FAM110B: variants seen among roughly 807,000 people sequenced by gnomAD.
FAM110B encodes family with sequence similarity 110 member B, also known as protein FAM110B.
A neutral mutation model predicts 20.4 loss-of-function variants in FAM110B; 6 were observed. That is an observed-to-expected ratio of 0.29 (90% confidence interval 0.16 to 0.58). The LOEUF is 0.58. FAM110B is among the 20% of genes least tolerant of loss of function. The probability of loss-of-function intolerance (pLI) is 0.90; values close to 1 mark genes in which losing one functional copy is unlikely to be tolerated. For synonymous variants in FAM110B, 226 were observed against 214.1 expected (o/e 1.06, Z -0.49); for missense variants, 434 against 498.2 (o/e 0.87, Z 1.23).
At chr8:58,013,855 C>G (rs923111111) in intron 1 of FAM110B, among the ~76,000 whole-genome samples, 2 of 152,196 alleles carry the variant, frequency 1.3e-5, no homozygotes, top group Non-Finnish European at 1.5e-5. Flanking sequence ...AAGGTCACTT[C>G]TCTCTTTAAC....
At chr8:57,999,798 G>A (rs1804256494) in intron 1 of FAM110B, among the ~76,000 whole-genome samples, 2 of 152,074 alleles carry the variant, frequency 1.3e-5, no homozygotes, top group East Asian at 1.9e-4. Flanking sequence ...TCGAGAATGG[G>A]GGCCACTTTT....
chr8:58,082,287 T>C (rs1205075899), intron 3 of FAM110B, among the ~76,000 whole-genome samples: 1 of 152,222 alleles, frequency 6.6e-6, no homozygotes, highest in Non-Finnish European at 1.5e-5. Context: ...GACGTCTTAA[T>C]GGGCATGTAG....
chr8:58,102,101 A>G (rs889396002), intron 3 of FAM110B, among the ~76,000 whole-genome samples: 19 of 152,214 alleles, frequency 1.2e-4, no homozygotes, highest in African/African-American at 4.1e-4. Flanking sequence ...ATGATAACTT[A>G]TTCGCCAACA....
intron 3 of FAM110B, among the ~76,000 whole-genome samples, chr8:58,079,497 A>G (rs752460289): frequency 2.0e-5 from 3 of 152,182 alleles, no homozygotes; most frequent in Non-Finnish European, 4.4e-5. Flanking sequence ...AATTGGCAGT[A>G]GGGTGTTGGT....
At chr8:58,042,830 T>G (rs1805247329) in intron 2 of FAM110B, among the ~76,000 whole-genome samples, 1 of 152,238 alleles carries the variant, frequency 6.6e-6, no homozygotes, top group Non-Finnish European at 1.5e-5. Flanking sequence ...AAAAAGCATC[T>G]GCAAATTAAC....
intron 1 of FAM110B, among the ~76,000 whole-genome samples, chr8:58,011,034 G>A (rs965294028): frequency 7.2e-5 from 11 of 152,084 alleles, no homozygotes; most frequent in African/African-American, 1.9e-4. Flanking sequence ...TCTGTTTGGC[G>A]GCATCCTTAC....
chr8:58,085,902 G>T (rs780983566), intron 3 of FAM110B, among the ~76,000 whole-genome samples: 2 of 152,172 alleles, frequency 1.3e-5, no homozygotes, highest in Non-Finnish European at 2.9e-5. Context: ...ATAAACCTGA[G>T]TAAATTATCA....
intron 3 of FAM110B, among the ~76,000 whole-genome samples, chr8:58,142,899 G>A (rs546995480): frequency 6.6e-6 from 1 of 152,322 alleles, no homozygotes; most frequent in South Asian, 2.1e-4. Flanking sequence ...CAGCCTGGCG[G>A]TTGGCCTATC....
chr8:58,031,433 G>C (rs1563502556), intron 1 of FAM110B, 173 bp from the exon 2 acceptor site: 1 of 152,144 alleles, frequency 6.6e-6, no homozygotes, highest in African/African-American at 2.4e-5. Context: ...TTTCCTTTTG[G>C]AATCAGTTTT....
chr8:58,004,261 G>T (rs533751354), intron 1 of FAM110B, among the ~76,000 whole-genome samples: 12 of 152,272 alleles, frequency 7.9e-5, no homozygotes, highest in African/African-American at 2.6e-4. Context: ...AGGGATTGGG[G>T]TCCCCTGTCC....
At chr8:58,138,658 C>T (rs1236755428) in intron 3 of FAM110B, among the ~76,000 whole-genome samples, 3 of 152,180 alleles carry the variant, frequency 2.0e-5, no homozygotes, top group Admixed American at 6.5e-5. Context: ...TAGCTTGCTT[C>T]GCCCACCTGA....
At chr8:58,111,609 T>C (rs145085015) in intron 3 of FAM110B, among the ~76,000 whole-genome samples, 1 of 152,148 alleles carries the variant, frequency 6.6e-6, no homozygotes, top group East Asian at 1.9e-4. Flanking sequence ...GACATGTAAA[T>C]ATATAAACTA....
intron 1 of FAM110B, among the ~76,000 whole-genome samples, chr8:57,996,858 A>G (rs532762734): frequency 8.5e-5 from 13 of 152,328 alleles, no homozygotes; most frequent in Admixed American, 1.3e-4. Context: ...ATTCTTTTTC[A>G]TGCTTTAAAA....
rs999944364 is a variant in FAM110B, at chr8:57,995,937, A to G, written c.-512+1131A>G. Among the ~76,000 whole-genome samples the G allele has an allele frequency of 4.6e-5, 7 of 152,260 alleles. No individual in the cohort carries two copies. The East Asian group carries it at 7.7e-4, about 17-fold the overall frequency. ...ATGATAGTAGAATAAGCATTTTTGC[A>G]GTATGGATAGTAGGACTTCCATTTT... On this transcript the variant is annotated intron_variant, in intron 1 of 3. Transcript: ENST00000519262.
At chr8:58,046,537 A>G (rs1241187244) in intron 2 of FAM110B, among the ~76,000 whole-genome samples, 1 of 152,200 alleles carries the variant, frequency 6.6e-6, no homozygotes, top group African/African-American at 2.4e-5. Context: ...CATTAACTAC[A>G]ACATAGTCAT....
At chr8:58,000,810 CTG>C (rs1804278826) in intron 1 of FAM110B, among the ~76,000 whole-genome samples, 1 of 152,186 alleles carries the variant, frequency 6.6e-6, no homozygotes, top group African/African-American at 2.4e-5. Context: ...GTACAGTTGA[CTG>C]TGAGTTGGGG....
At chr8:58,069,816 TTC>T (rs1805848972) in intron 2 of FAM110B, among the ~76,000 whole-genome samples, 6 of 152,354 alleles carry the variant, frequency 3.9e-5, no homozygotes, top group African/African-American at 1.4e-4. Flanking sequence ...TTATTATTTA[TTC>T]TTAATGCTGG....
At chr8:58,093,826 A>G (rs1806548889) in intron 3 of FAM110B, among the ~76,000 whole-genome samples, 1 of 152,092 alleles carries the variant, frequency 6.6e-6, no homozygotes, top group African/African-American at 2.4e-5. Flanking sequence ...TGAATCTATA[A>G]GTTACTTTGG....
chr8:58,026,955 GTT>G (rs763938527), intron 1 of FAM110B, among the ~76,000 whole-genome samples: 1 of 150,822 alleles, frequency 6.6e-6, no homozygotes, highest in Non-Finnish European at 1.5e-5. Context: ...GGATCCAACT[GTT>G]TTTTGTTTTT....
Sources: allele counts gnomAD v4.1 joint callset (sites outside exome capture counted in the v4.1 genomes callset), GRCh38; gene constraint gnomAD v4.1.1; transcripts MANE v1.5; gene names NCBI Gene and HGNC (gene_info 2026-07-23, HGNC 2026-07-21).